The following NELL1 variants were observed in gnomAD, a reference collection of about 807,000 sequenced individuals.
The protein encoded by NELL1 is neural EGFL like 1.
In NELL1, 76 loss-of-function variants were observed where a neutral mutation model predicts 107.4. The observed-to-expected ratio is 0.71, with a 90% confidence interval of 0.59 to 0.86. The LOEUF (loss-of-function observed/expected upper bound fraction) is 0.86, where lower values mean the gene tolerates loss of function less well. Ranked by LOEUF, NELL1 falls within the 40% of genes least tolerant of loss-of-function variation. NELL1 has a pLI of 0.00. For missense variants in NELL1, 1,024 were observed against 1,005.5 expected (o/e 1.02, Z -0.25); for synonymous variants, 353 against 341.2 (o/e 1.03, Z -0.38).
intron 14 of NELL1, among the ~76,000 whole-genome samples, chr11:21,290,862 A>G (rs11493407): frequency 0.35 from 53,744 of 152,094 alleles, 11,185 homozygotes; most frequent in Non-Finnish European, 0.48. Context: ...AACCAAAGGT[A>G]GATAAATCCA....
chr11:20,808,724 C>T (rs1857437626), intron 3 of NELL1, among the ~76,000 whole-genome samples: 1 of 152,200 alleles, frequency 6.6e-6, no homozygotes, highest in South Asian at 2.1e-4. Flanking sequence ...CTAGCTAGAG[C>T]TTGACTAAAT....
Position 20,850,995 on chromosome 11 carries a change from A to G in NELL1, c.506+3242A>G, listed in dbSNP as rs77075839. 3.4e-3 allele frequency among the ~76,000 whole-genome samples: 516 copies of G among 152,294 alleles called. 4 individuals carry two copies. Among genetic ancestry groups the G allele is most frequent in the African/African-American group, 0.012 (494 of 41,572 alleles). On this transcript the variant is annotated intron_variant, in intron 4 of 19. Transcript: ENST00000357134. ...CTTTGAGTCTGAAACTATCTCCAAA[A>G]CCTTAGTCTAACCCACCCTCCAGGT...
intron 13 of NELL1, among the ~76,000 whole-genome samples, chr11:21,155,315 G>A (rs113527512): frequency 6.6e-6 from 1 of 152,058 alleles, no homozygotes; most frequent in Non-Finnish European, 1.5e-5. Flanking sequence ...TCTAAGGATT[G>A]GGTAAATGGA....
intron 13 of NELL1, among the ~76,000 whole-genome samples, chr11:21,220,394 G>T (rs755014809): frequency 4.6e-5 from 7 of 152,050 alleles, no homozygotes; most frequent in Non-Finnish European, 1.0e-4. Flanking sequence ...TTTCTGTGAA[G>T]AATTTCATTG....
chr11:21,489,379 T>TAAAAAAAAA (rs1564920374), intron 15 of NELL1, among the ~76,000 whole-genome samples: 1 of 15,814 alleles, frequency 6.3e-5, no homozygotes, highest in Non-Finnish European at 1.1e-4. Context: ...TGAAAGTATT[T>TAAAAAAAAA]CAAAAAAAAA....
intron 15 of NELL1, among the ~76,000 whole-genome samples, chr11:21,420,102 C>A (rs560611803): frequency 6.6e-6 from 1 of 152,034 alleles, no homozygotes; most frequent in Non-Finnish European, 1.5e-5. Flanking sequence ...ATATTGCACA[C>A]TTGGTCCATT....
At chr11:21,091,128 C>G (rs1261626499) in intron 12 of NELL1, among the ~76,000 whole-genome samples, 2 of 152,172 alleles carry the variant, frequency 1.3e-5, no homozygotes, top group Non-Finnish European at 2.9e-5. Flanking sequence ...ATCAGGAGGT[C>G]CATTTCTGGC....
At chr11:20,675,215 A>G (rs1050155172) in intron 1 of NELL1, among the ~76,000 whole-genome samples, 5 of 152,184 alleles carry the variant, frequency 3.3e-5, no homozygotes, top group Non-Finnish European at 7.3e-5. Context: ...AACAAGTTAC[A>G]TGGCTTGCCT....
In NELL1 at chr11:20,928,298, A is replaced by G. The variant is rs989085427; in HGVS notation, c.895-79A>G. ...CTGTTTCCCTGATGAGGTTTCTGGG[A>G]TGAGATTTCAATGATCTCCACAACA... On this transcript the variant is annotated intron_variant, in intron 8 of 19. Coordinates refer to ENST00000357134, the MANE Select transcript of NELL1 (RefSeq NM_006157.5). 3.1e-6 allele frequency: 4 copies of G among 1,277,152 alleles called. No homozygotes were observed. The African/African-American group carries it at 5.9e-5, about 19-fold the overall frequency. The allele number at this position is 1,277,152 out of a possible 1,614,324, so 79.1% of individuals were successfully genotyped here. A position where few individuals can be genotyped will look rare whatever the true frequency, so the allele number is the denominator to read the frequency against.
intron 5 of NELL1, among the ~76,000 whole-genome samples, chr11:20,902,810 T>G (rs1849907386): frequency 6.6e-6 from 1 of 151,994 alleles, no homozygotes; most frequent in African/African-American, 2.4e-5. Flanking sequence ...ATTGATGAAT[T>G]GCTAAAGTAA....
chr11:21,101,593 T>C (rs990604829), intron 12 of NELL1, among the ~76,000 whole-genome samples: 2 of 152,196 alleles, frequency 1.3e-5, no homozygotes, highest in African/African-American at 4.8e-5. Flanking sequence ...TGGCCAGTGA[T>C]GATGAGCATT....
intron 13 of NELL1, among the ~76,000 whole-genome samples, chr11:21,225,747 A>G (rs1202498803): frequency 6.6e-6 from 1 of 152,182 alleles, no homozygotes; most frequent in African/African-American, 2.4e-5. Context: ...AATTAGTAGT[A>G]GTAGTAGTAA....
intron 13 of NELL1, among the ~76,000 whole-genome samples, chr11:21,146,719 G>A (rs1379532561): frequency 3.3e-5 from 5 of 152,130 alleles, no homozygotes; most frequent in Admixed American, 3.3e-4. Context: ...AGAACGGGAA[G>A]AAAATGCAAC....
At chr11:21,299,494 A>G (rs1042318636) in intron 14 of NELL1, among the ~76,000 whole-genome samples, 8 of 148,166 alleles carry the variant, frequency 5.4e-5, no homozygotes, top group Non-Finnish European at 1.2e-4. Flanking sequence ...GGAAATTTCA[A>G]CATTTTATTG....
chr11:21,398,292 C>A (rs1852024107), intron 15 of NELL1, among the ~76,000 whole-genome samples: 1 of 151,168 alleles, frequency 6.6e-6, no homozygotes, highest in African/African-American at 2.4e-5. Flanking sequence ...AAAGTGTGTC[C>A]CCTGAGGCTC....
At chr11:20,735,971 G>A (rs1466373482) in intron 2 of NELL1, among the ~76,000 whole-genome samples, 3 of 152,226 alleles carry the variant, frequency 2.0e-5, no homozygotes, top group East Asian at 1.9e-4. Context: ...GAGAGGGGCC[G>A]GGATGCCATA....
At chr11:20,672,122 T>A (rs888086981) in intron 1 of NELL1, among the ~76,000 whole-genome samples, 3 of 152,242 alleles carry the variant, frequency 2.0e-5, no homozygotes, top group Non-Finnish European at 4.4e-5. Context: ...ACCTCTCAAT[T>A]TGTACACTTA....
chr11:21,031,227 T>C (rs1473420944), intron 12 of NELL1, among the ~76,000 whole-genome samples: 1 of 152,226 alleles, frequency 6.6e-6, no homozygotes, highest in East Asian at 1.9e-4. Context: ...ATTTAGATCA[T>C]TTTCAATTTC....
At chr11:21,428,740 A>G (rs907180795) in intron 15 of NELL1, among the ~76,000 whole-genome samples, 2 of 152,188 alleles carry the variant, frequency 1.3e-5, no homozygotes, top group African/African-American at 4.8e-5. Context: ...AGAGCCAAAG[A>G]AGGAAGAAAG....
Sources: gnomAD v4.1 joint callset for allele counts (sites outside exome capture counted in the v4.1 genomes callset) on GRCh38, gnomAD v4.1.1 for gene constraint, MANE v1.5 for transcripts, NCBI Gene and HGNC (gene_info 2026-07-23, HGNC 2026-07-21) for gene names.